Variants in KIF13A observed in about 807,000 individuals in gnomAD.
KIF13A encodes the protein kinesin-like protein KIF13A.
In KIF13A, 79 loss-of-function variants were observed where a neutral mutation model predicts 212.2. The observed-to-expected ratio is 0.37, with a 90% confidence interval of 0.31 to 0.45. The LOEUF (loss-of-function observed/expected upper bound fraction) is 0.45. Among genes scored for constraint, KIF13A ranks in the 20% least tolerant of loss-of-function variants. The probability of loss-of-function intolerance (pLI) is 1.00; values close to 1 mark genes in which losing one functional copy is unlikely to be tolerated. For missense variants in KIF13A, 1,901 were observed against 2,209.0 expected (o/e 0.86, Z 2.79); for synonymous variants, 789 against 808.6 (o/e 0.98, Z 0.41).
At chr6:17,958,458 C>T (rs1231598543) in intron 2 of KIF13A, among the ~76,000 whole-genome samples, 1 of 152,138 alleles carries the variant, frequency 6.6e-6, no homozygotes, top group Non-Finnish European at 1.5e-5. Context: ...ACTGAAATTG[C>T]TAAGTAAAAT....
Position 17,895,156 on chromosome 6 carries a change from T to C in KIF13A, c.159+3012A>G, listed in dbSNP as rs566877250. Among the ~76,000 whole-genome samples, 1 of 152,346 alleles carries C rather than the reference T, an allele frequency of 6.6e-6. No individual in the cohort carries two copies. The highest frequency in any genetic ancestry group is 6.5e-5 in the Admixed American group (1 of 15,304). ...TATGCCACTTTCTATAGCTTCTAGT[T>C]CTCTCCAACATTTTTCAATCTTATG... On this transcript the variant is annotated intron_variant, in intron 3 of 38. Transcript: ENST00000259711. This position sits in a 1 kb window ranked among gnomAD's most constrained non-coding sequence, Gnocchi z 4.4.
At chr6:17,793,950 G>T (rs1761825156) in intron 25 of KIF13A, among the ~76,000 whole-genome samples, 1 of 151,934 alleles carries the variant, frequency 6.6e-6, no homozygotes, top group Admixed American at 6.6e-5. Flanking sequence ...CCAAAAAGTG[G>T]ATCAGGTCAG....
intron 2 of KIF13A, among the ~76,000 whole-genome samples, chr6:17,981,652 G>A (rs944460122): frequency 6.6e-5 from 10 of 152,038 alleles, no homozygotes; most frequent in African/African-American, 2.4e-4. Flanking sequence ...TCGATCTCCT[G>A]ACCTCGTGAT....
chr6:17,825,759 G>A lies in KIF13A; in HGVS notation c.1786+9C>T. 1 of 1,610,852 alleles carries A rather than the reference G, an allele frequency of 6.2e-7. No individual in the cohort carries two copies. On this transcript the variant is annotated intron_variant, in intron 16 of 38. Transcript: ENST00000259711. The surrounding 1 kb of genome is among the most constrained non-coding windows in gnomAD (Gnocchi z 4.5). Reference sequence around the variant, plus strand: ...CCCAAGGCGCTGGAACACAGAGTGAGGGTCTTACCATTACTATTCAGGGTT... The same window carrying A: ...CCCAAGGCGCTGGAACACAGAGTGAAGGTCTTACCATTACTATTCAGGGTT...
intron 2 of KIF13A, among the ~76,000 whole-genome samples, chr6:17,981,029 T>C (rs1227703477): frequency 1.3e-5 from 2 of 151,818 alleles, no homozygotes; most frequent in East Asian, 3.9e-4. Flanking sequence ...GGGGACTTTT[T>C]TTTTTTTTTT....
Position 17,962,240 on chromosome 6 carries a change from G to A in KIF13A, c.146+24814C>T, listed in dbSNP as rs532371484. Among the ~76,000 whole-genome samples, 3 of 152,254 alleles carry A rather than the reference G, an allele frequency of 2.0e-5. No homozygotes were observed. In the East Asian group the frequency reaches 5.8e-4, roughly 29 times the overall value. On this transcript the variant is annotated intron_variant, in intron 2 of 38. Transcript: ENST00000259711. ...GCAAGAGAACTACTTGAACCCAGGA[G>A]GTGGAGGTTGCAGCGAGCTGAGATT...
At position 17,843,339 on chromosome 6, in the gene KIF13A, C is replaced by T. The variant is rs2150388896; in HGVS notation, c.831-5756G>A. ...GTTTTCCTGGAAGCAATGTGCTGGG[C>T]TAAAAACTCTATTTTCCAAAGTCCT... On this transcript the variant is annotated intron_variant, in intron 9 of 38. Transcript: ENST00000259711. This position sits in a 1 kb window ranked among gnomAD's most constrained non-coding sequence, Gnocchi z 5.3. Among the ~76,000 whole-genome samples, 1 of 152,276 alleles carries T rather than the reference C, an allele frequency of 6.6e-6. No individual in the cohort carries two copies. Among genetic ancestry groups the T allele is most frequent in the Non-Finnish European group, 1.5e-5 (1 of 68,018 alleles).
chr6:17,764,154 C>A lies in KIF13A; in HGVS notation c.5374G>T (p.Val1792Leu). The stretch of plus-strand genomic sequence containing the variant: ...CAAAAGGCTGCCTCTGGAATTATTA[C>A]CTGGTCATTCTCTAACTTGGAATGC... ...QLHSKLENDQ[V>L]IIPEAAFWVL... The change falls in exon 39 of 39, where the codon GTA becomes TTA. Residue 1792 changes from valine (V) to leucine (L), a missense_variant. Val to Leu is a conservative substitution (Grantham distance 32). Around this residue, in one of 5 missense-constraint regions of KIF13A, gnomAD observed 687 missense variants for 759.1 expected, o/e 0.90. Transcript: ENST00000259711. The surrounding 1 kb of genome is among the most constrained non-coding windows in gnomAD (Gnocchi z 5.1). The A allele has an allele frequency of 1.2e-6, 2 of 1,613,992 alleles. No individual in the cohort carries two copies. The highest frequency in any genetic ancestry group is 1.7e-6 in the Non-Finnish European group (2 of 1,179,896).
At chr6:17,973,283 A>C (rs574222009) in intron 2 of KIF13A, among the ~76,000 whole-genome samples, 12 of 152,246 alleles carry the variant, frequency 7.9e-5, no homozygotes, top group Non-Finnish European at 1.8e-4. Context: ...CTACTAATTA[A>C]AAGATTCAAA....
chr6:17,834,159 T>A lies in KIF13A; in HGVS notation c.1156-88A>T. 1.3e-6 allele frequency: 1 copy of A among 773,542 alleles called. No individual in the cohort carries two copies. The highest frequency in any genetic ancestry group is 2.0e-6 in the Non-Finnish European group (1 of 495,102). 47.9% of individuals were successfully genotyped at this position (773,542 alleles called of 1,614,324 possible). ...TCAGTTACTGTCCCTCTTAAGCAGT[T>A]ATCAATAGTCTGTTGGAAAAAATTA... On this transcript the variant is annotated intron_variant, in intron 11 of 38. Coordinates refer to ENST00000259711, the MANE Select transcript of KIF13A (RefSeq NM_022113.6). This position sits in a 1 kb window ranked among gnomAD's most constrained non-coding sequence, Gnocchi z 4.0.
Position 17,915,451 on chromosome 6 carries a change from T to C in KIF13A, c.147-17271A>G, listed in dbSNP as rs150831911. 3.3e-4 allele frequency among the ~76,000 whole-genome samples: 50 copies of C among 152,314 alleles called. No homozygotes were observed. Among genetic ancestry groups the C allele is most frequent in the African/African-American group, 1.2e-3 (48 of 41,574 alleles). ...ATGCAAGGCCCCTCATTTTCAGCCA[T>C]TTATTTTACCTACAAACTTCTTTTC... On this transcript the variant is annotated intron_variant, in intron 2 of 38. Transcript: ENST00000259711. This position sits in a 1 kb window ranked among gnomAD's most constrained non-coding sequence, Gnocchi z 4.4.
chr6:17,801,662 A>G (rs1178108497), intron 20 of KIF13A, among the ~76,000 whole-genome samples: 1 of 152,228 alleles, frequency 6.6e-6, no homozygotes, highest in Non-Finnish European at 1.5e-5. Flanking sequence ...CTGTGCTATG[A>G]GCATCCAATA....
Position 17,951,266 on chromosome 6 carries a change from C to T in KIF13A, c.146+35788G>A. 1.6e-6 allele frequency: 1 copy of T among 610,382 alleles called. No individual in the cohort carries two copies. Among genetic ancestry groups the T allele is most frequent in the South Asian group, 2.5e-5 (1 of 39,770 alleles). 37.8% of individuals were successfully genotyped at this position (610,382 alleles called of 1,614,324 possible). On this transcript the variant is annotated intron_variant, in intron 2 of 38. Coordinates refer to ENST00000259711, the MANE Select transcript of KIF13A (RefSeq NM_022113.6). The surrounding 1 kb of genome is among the most constrained non-coding windows in gnomAD (Gnocchi z 4.9). ...CCTCAGTCTCCTGAGTAGCTGGGAC[C>T]ACAGGTATGCGCCACCACGTCCAGC...
rs915192848 is a variant in KIF13A, at chr6:17,929,479, C to A, written c.147-31299G>T. Reference sequence around the variant, plus strand: ...GCAGTGGCACGATCTTGGCTCACTGCAAGCTCTGCCTCCCGGGTTCACGGC... The same window carrying A: ...GCAGTGGCACGATCTTGGCTCACTGAAAGCTCTGCCTCCCGGGTTCACGGC... On this transcript the variant is annotated intron_variant, in intron 2 of 38. Coordinates refer to ENST00000259711, the MANE Select transcript of KIF13A (RefSeq NM_022113.6). Among the ~76,000 whole-genome samples the A allele has an allele frequency of 4.6e-5, 7 of 151,406 alleles. No homozygotes were observed. In the South Asian group the frequency reaches 1.0e-3, roughly 22 times the overall value.
At chr6:17,972,088 A>C (rs563990741) in intron 2 of KIF13A, among the ~76,000 whole-genome samples, 1 of 152,212 alleles carries the variant, frequency 6.6e-6, no homozygotes, top group African/African-American at 2.4e-5. Context: ...TTACCATGCT[A>C]ATGTTACCTA....
intron 20 of KIF13A, among the ~76,000 whole-genome samples, chr6:17,802,923 GT>G (rs57190220): frequency 7.4e-6 from 1 of 135,652 alleles, no homozygotes; most frequent in Non-Finnish European, 1.6e-5. Flanking sequence ...ATTTTTTTGT[GT>G]TTTTTTTGTT....
chr6:17,816,905 G>T lies in KIF13A; in HGVS notation c.2000+115C>A. 1.4e-6 allele frequency: 1 copy of T among 731,040 alleles called. No homozygotes were observed. The allele number at this position is 731,040 out of a possible 1,614,324, so 45.3% of individuals were successfully genotyped here. A position where few individuals can be genotyped will look rare whatever the true frequency, so the allele number is the denominator to read the frequency against. ...AAGCTAATTGGCAATATCACGTATGGGATTAAGAGTTCTCTTGTTGCTAGG... is the reference window on the plus strand; with the variant it reads ...AAGCTAATTGGCAATATCACGTATGTGATTAAGAGTTCTCTTGTTGCTAGG... On this transcript the variant is annotated intron_variant, in intron 17 of 38. Coordinates refer to ENST00000259711, the MANE Select transcript of KIF13A (RefSeq NM_022113.6). This position sits in a 1 kb window ranked among gnomAD's most constrained non-coding sequence, Gnocchi z 4.3.
intron 17 of KIF13A, among the ~76,000 whole-genome samples, chr6:17,813,977 GA>G: frequency 7.5e-6 from 1 of 133,848 alleles, no homozygotes; most frequent in Non-Finnish European, 1.5e-5. Context: ...TTTTGAGATG[GA>G]GTCTTGCTCT....
At position 17,871,807 on chromosome 6, in the gene KIF13A, T is replaced by C. The variant is rs1396911825; in HGVS notation, c.220+1570A>G. ...GAGCTCCAGTTCAGGAAGATATATA[T>C]GGCTGCATCTTGAGTAACATAAATT... On this transcript the variant is annotated intron_variant, in intron 4 of 38. Transcript: ENST00000259711. This position sits in a 1 kb window ranked among gnomAD's most constrained non-coding sequence, Gnocchi z 4.4. Among the ~76,000 whole-genome samples, 2 of 152,210 alleles carry C rather than the reference T, an allele frequency of 1.3e-5. No individual in the cohort carries two copies. Among genetic ancestry groups the C allele is most frequent in the Non-Finnish European group, 2.9e-5 (2 of 68,014 alleles).
Sources: gnomAD v4.1 joint callset for allele counts (sites outside exome capture counted in the v4.1 genomes callset) on GRCh38, gnomAD v4.1.1 for gene constraint, gnomAD v4.1.1 regional missense constraint, Gnocchi (gnomAD v3.1) non-coding constraint, MANE v1.5 for transcripts, NCBI Gene and HGNC (gene_info 2026-07-23, HGNC 2026-07-21) for gene names.